CCDC171: variants seen among roughly 807,000 people sequenced by gnomAD.
CCDC171 encodes the protein coiled-coil domain-containing protein 171.
CCDC171 carries 177 observed loss-of-function variants against 168.2 expected under a neutral mutation model. That is an observed-to-expected ratio of 1.05 (90% CI 0.93 to 1.19). The LOEUF is 1.19. Ranked by LOEUF, CCDC171 falls within the 50% of genes most tolerant of loss-of-function variation. The pLI is 0.00. For synonymous variants in CCDC171, 687 were observed against 540.8 expected (o/e 1.27, Z -3.75); for missense variants, 1,991 against 1,539.0 (o/e 1.29, Z -4.91).
chr9:15,692,331 C>A (rs1347716371), intron 10 of CCDC171, among the ~76,000 whole-genome samples: 6 of 150,912 alleles, frequency 4.0e-5, no homozygotes, highest in Non-Finnish European at 7.4e-5. Context: ...CGAGATTGTT[C>A]TACAACCTGG....
chr9:15,737,597 C>T (rs1007388912), intron 16 of CCDC171, among the ~76,000 whole-genome samples: 4 of 152,004 alleles, frequency 2.6e-5, no homozygotes, highest in South Asian at 2.1e-4. Context: ...CCCAGTCTTC[C>T]GATAAAAAGA....
intron 11 of CCDC171, among the ~76,000 whole-genome samples, chr9:15,711,062 T>G (rs1004892577): frequency 1.3e-5 from 2 of 152,194 alleles, no homozygotes; most frequent in African/African-American, 4.8e-5. Flanking sequence ...GAATCTGCAG[T>G]AATGGAAATG....
At chr9:15,689,346 C>T (rs1438299868) in intron 10 of CCDC171, among the ~76,000 whole-genome samples, 1 of 152,186 alleles carries the variant, frequency 6.6e-6, no homozygotes, top group Non-Finnish European at 1.5e-5. Flanking sequence ...GCTATGCTTA[C>T]CACTGTACCA....
the CCDC171 span, among the ~76,000 whole-genome samples, chr9:16,069,206 A>G: frequency 1.3e-5 from 2 of 152,260 alleles, no homozygotes; most frequent in Non-Finnish European, 2.9e-5. Flanking sequence ...ATTCTCAGAA[A>G]AAAACATCTC....
chr9:15,960,594 G>A (rs1830242725), intron 25 of CCDC171, among the ~76,000 whole-genome samples: 1 of 152,124 alleles, frequency 6.6e-6, no homozygotes, highest in Non-Finnish European at 1.5e-5. Context: ...GATCTGGGTT[G>A]AGACTGCTGG....
chr9:15,730,009 G>C (rs2054058179), intron 16 of CCDC171, among the ~76,000 whole-genome samples: 1 of 151,976 alleles, frequency 6.6e-6, no homozygotes, highest in South Asian at 2.1e-4. Context: ...TGTAAGTTTG[G>C]AAATATATGG....
chr9:16,076,168 G>T, the CCDC171 span, among the ~76,000 whole-genome samples: 1 of 152,140 alleles, frequency 6.6e-6, no homozygotes, highest in East Asian at 1.9e-4. Context: ...GGGCTTGAGC[G>T]TTGCTCTGCT....
chr9:15,577,833 C>T (rs2040793429), intron 3 of CCDC171, among the ~76,000 whole-genome samples: 1 of 152,146 alleles, frequency 6.6e-6, no homozygotes. Context: ...CAGCCACAGG[C>T]AAGAGAGGGA....
intron 25 of CCDC171, among the ~76,000 whole-genome samples, chr9:15,966,743 T>A (rs1177235398): frequency 6.6e-6 from 1 of 152,170 alleles, no homozygotes; most frequent in Admixed American, 6.6e-5. Flanking sequence ...AGTAAGATAG[T>A]CAAACTAGTC....
intron 25 of CCDC171, among the ~76,000 whole-genome samples, chr9:15,963,453 G>T (rs997946989): frequency 6.6e-6 from 1 of 152,140 alleles, no homozygotes; most frequent in Admixed American, 6.5e-5. Context: ...TAGAAGAAAT[G>T]CCTAGCAGTG....
chr9:15,794,327 T>G (rs369677804), intron 21 of CCDC171, among the ~76,000 whole-genome samples: 4 of 151,992 alleles, frequency 2.6e-5, no homozygotes, highest in Non-Finnish European at 4.4e-5. Context: ...TAGCCAGGCA[T>G]GTTGGTGGGC....
chr9:16,099,025 A>G, the CCDC171 span, among the ~76,000 whole-genome samples: 2 of 152,182 alleles, frequency 1.3e-5, no homozygotes, highest in Non-Finnish European at 2.9e-5. Context: ...TTGGGGGAAG[A>G]TTTTTAATAA....
chr9:15,784,532 T>G lies in CCDC171; in HGVS notation c.3105T>G (p.Phe1035Leu). The change falls in exon 21 of 26, where the codon TTT (phenylalanine) becomes TTG (leucine). Residue 1035 changes from phenylalanine to leucine, a missense_variant. Transcript: ENST00000380701. ...KQSKLITHEK[F>L]ESACEELNNA... ...AGAAATTGATCACCCATGAGAAGTT[T>G]GAAAGTGCATGTGAAGAACTAAATA... 6.2e-7 allele frequency: 1 copy of G among 1,612,968 alleles called. No individual in the cohort carries two copies. The highest frequency in any genetic ancestry group is 8.5e-7 in the Non-Finnish European group (1 of 1,179,334).
At chr9:15,888,342 A>G (rs1210117899) in intron 24 of CCDC171, among the ~76,000 whole-genome samples, 1 of 152,180 alleles carries the variant, frequency 6.6e-6, no homozygotes, top group African/African-American at 2.4e-5. Flanking sequence ...TCAAAAAAAT[A>G]AAATGTTCAA....
At chr9:15,918,454 G>T (rs1824855766) in intron 24 of CCDC171, among the ~76,000 whole-genome samples, 1 of 150,488 alleles carries the variant, frequency 6.6e-6, no homozygotes, top group Non-Finnish European at 1.5e-5. Flanking sequence ...CAGGACTTGT[G>T]ATTTCTGGTC....
intron 3 of CCDC171, among the ~76,000 whole-genome samples, chr9:15,990,297 A>G (rs1166764270): frequency 1.3e-5 from 2 of 152,070 alleles, no homozygotes; most frequent in African/African-American, 2.4e-5. Flanking sequence ...AAGAATTTTC[A>G]ACCCAGAATT....
intron 25 of CCDC171, among the ~76,000 whole-genome samples, chr9:15,963,246 G>A (rs148352661): frequency 9.2e-5 from 14 of 152,126 alleles, no homozygotes; most frequent in African/African-American, 3.1e-4. Context: ...ATGGGTTACT[G>A]GGTGCAGCAC....
chr9:16,069,516 G>A, the CCDC171 span, among the ~76,000 whole-genome samples: 6 of 152,372 alleles, frequency 3.9e-5, no homozygotes, highest in African/African-American at 1.2e-4. Flanking sequence ...ATGTGGACCC[G>A]AGGAAGGGAG....
chr9:16,104,199 G>T, the CCDC171 span, among the ~76,000 whole-genome samples: 2 of 151,792 alleles, frequency 1.3e-5, no homozygotes, highest in East Asian at 1.9e-4. Flanking sequence ...CCTCCCTACA[G>T]TCCTCTCAGA....
Sources: allele counts gnomAD v4.1 joint callset (sites outside exome capture counted in the v4.1 genomes callset), GRCh38; gene constraint gnomAD v4.1.1; transcripts MANE v1.5; gene names NCBI Gene and HGNC (gene_info 2026-07-23, HGNC 2026-07-21).